The following DNM1 variants were observed in gnomAD, a reference collection of about 807,000 sequenced individuals.
The protein encoded by DNM1 is dynamin 1, also known as dynamin-1.
DNM1 carries 29 observed loss-of-function variants against 104.6 expected under a neutral mutation model. The ratio of observed to expected loss-of-function variants is 0.28; its 90% CI spans 0.21 to 0.38. DNM1 has a LOEUF of 0.38. DNM1 is among the 10% of genes least tolerant of loss of function. The pLI, the probability that DNM1 is intolerant of heterozygous loss-of-function variation, is 1.00. For synonymous variants in DNM1, 445 were observed against 475.8 expected, an observed-to-expected ratio of 0.94 and a Z score of 0.84; for missense variants, 640 against 1,189.4, an observed-to-expected ratio of 0.54 and a Z score of 6.79.
At position 128,247,003 on chromosome 9, in the gene DNM1, C is replaced by T. The variant is rs1836870779; in HGVS notation, c.1782-372C>T. On this transcript the variant is annotated intron_variant, in intron 16 of 21. Coordinates refer to ENST00000372923, the MANE Select transcript of DNM1 (RefSeq NM_004408.4). This position sits in a 1 kb window ranked among gnomAD's most constrained non-coding sequence, Gnocchi z 5.1. ...TGACTCTAGTGGGCCCTCTGCTACT[C>T]GGAGATGAGAGTTCAGTCCAGCGGC... is the stretch of plus-strand genomic sequence containing the variant. The T allele has an allele frequency of 4.5e-6, 1 of 224,218 alleles. No individual in the cohort carries two copies. The highest frequency in any genetic ancestry group is 9.0e-6 in the Non-Finnish European group (1 of 111,108). The allele number at this position is 224,218 out of a possible 1,614,324, so 13.9% of individuals were successfully genotyped here.
At chr9:128,235,697 C>T (rs1460833063) in intron 11 of DNM1, among the ~76,000 whole-genome samples, 2 of 152,070 alleles carry the variant, frequency 1.3e-5, no homozygotes, top group African/African-American at 4.8e-5. Context: ...AAATGCTGGG[C>T]CATAGGCTGG....
intron 13 of DNM1, 41 bp from the exon 14 acceptor site, chr9:128,239,943 TC>T (rs1836261471): frequency 6.2e-7 from 1 of 1,613,400 alleles, no homozygotes; most frequent in Non-Finnish European, 8.5e-7. Flanking sequence ...CTCTCCTCTC[TC>T]CCCGATGCCT....
rs1169118442 is a variant in DNM1, at chr9:128,238,623, A to C, written c.1423-822A>C. Among the ~76,000 whole-genome samples the C allele has an allele frequency of 2.0e-5, 3 of 148,704 alleles. No homozygotes were observed. The East Asian group carries it at 5.9e-4, about 29-fold the overall frequency. ...GCATTTCTTCTATGAATTATTCATCATGTTCTTGACTATTTTGATTTGTGA... is the reference window on the plus strand; with the variant it reads ...GCATTTCTTCTATGAATTATTCATCCTGTTCTTGACTATTTTGATTTGTGA... On this transcript the variant is annotated intron_variant, in intron 11 of 21. Transcript: ENST00000372923.
chr9:128,253,014 G>C lies in DNM1; in HGVS notation c.2535-1640G>C. 2 of 1,332,316 alleles carry C rather than the reference G, an allele frequency of 1.5e-6. No homozygotes were observed. The highest frequency in any genetic ancestry group is 2.1e-6 in the Non-Finnish European group (2 of 930,408). The allele number at this position is 1,332,316 out of a possible 1,614,324, so 82.5% of individuals were successfully genotyped here. ...CCTCACAGCATGTGTGTGCACGCCC[G>C]GGCGTGTGCGTGTGTGTGTCCCCCA... On this transcript the variant is annotated intron_variant, in intron 21 of 21. Coordinates refer to ENST00000372923, the MANE Select transcript of DNM1 (RefSeq NM_004408.4). The surrounding 1 kb of genome is among the most constrained non-coding windows in gnomAD (Gnocchi z 5.9).
In DNM1 at chr9:128,254,061, C is replaced by A; in HGVS notation, c.2535-593C>A. On this transcript the variant is annotated intron_variant, in intron 21 of 21. Coordinates refer to ENST00000372923, the MANE Select transcript of DNM1 (RefSeq NM_004408.4). This position sits in a 1 kb window ranked among gnomAD's most constrained non-coding sequence, Gnocchi z 6.1. Reference sequence around the variant, plus strand: ...TGCAGCCCCCCGACCAGCTGAGGCTCCCCTCTTAGACTTATAAGTCTATGG... The same window carrying A: ...TGCAGCCCCCCGACCAGCTGAGGCTACCCTCTTAGACTTATAAGTCTATGG... 1.6e-6 allele frequency: 2 copies of A among 1,237,244 alleles called. No individual in the cohort carries two copies. The highest frequency in any genetic ancestry group is 2.0e-6 in the Non-Finnish European group (2 of 991,830). The allele number at this position is 1,237,244 out of a possible 1,614,324, so 76.6% of individuals were successfully genotyped here.
chr9:128,205,242 T>C (rs553570626), intron 1 of DNM1, among the ~76,000 whole-genome samples: 1 of 152,286 alleles, frequency 6.6e-6, no homozygotes, highest in African/African-American at 2.4e-5. Context: ...AGAAACCATA[T>C]TCCTACCTCT....
intron 14 of DNM1, among the ~76,000 whole-genome samples, chr9:128,241,953 A>T (rs1359453122): frequency 6.6e-6 from 1 of 152,160 alleles, no homozygotes; most frequent in Non-Finnish European, 1.5e-5. Flanking sequence ...ACTTTTAGTG[A>T]CAGGGAGCTC....
chr9:128,247,871 C>G lies in DNM1; in HGVS notation c.1894-53C>G. On this transcript the variant is annotated intron_variant, in intron 17 of 21. Transcript: ENST00000372923. The surrounding 1 kb of genome is among the most constrained non-coding windows in gnomAD (Gnocchi z 5.1). ...CTTTTCCTCTCTGTGTTTCCTTCGG[C>G]TGTGCTCCCTGGTGGTGGCGGCGGT... is the stretch of plus-strand genomic sequence containing the variant. 6.2e-7 allele frequency: 1 copy of G among 1,606,904 alleles called. No homozygotes were observed. The highest frequency in any genetic ancestry group is 1.3e-5 in the African/African-American group (1 of 74,824).
Position 128,254,792 on chromosome 9 carries a change from CCCAGCCCCAAAG to C in DNM1, c.*87_*98del. 1 of 1,237,322 alleles carries C rather than the reference CCCAGCCCCAAAG, an allele frequency of 8.1e-7. No homozygotes were observed. The highest frequency in any genetic ancestry group is 1.2e-6 in the Non-Finnish European group (1 of 858,742). 76.6% of individuals were successfully genotyped at this position (1,237,322 alleles called of 1,614,324 possible). On this transcript the variant is annotated 3_prime_UTR_variant, in exon 22 of 22. Coordinates refer to ENST00000372923, the MANE Select transcript of DNM1 (RefSeq NM_004408.4). This position sits in a 1 kb window ranked among gnomAD's most constrained non-coding sequence, Gnocchi z 6.1. ...TGTTCTGTGACTTGACAGTGGCTCCCCCAGCCCCAAAGCCAGCCCCCTTCATCTGTGACTTAA... is the reference window on the plus strand; with the variant it reads ...TGTTCTGTGACTTGACAGTGGCTCCCCCAGCCCCCTTCATCTGTGACTTAA...
intron 19 of DNM1, 54 bp from the exon 20 acceptor site, chr9:128,250,061 C>A (rs1194457053): frequency 4.3e-6 from 7 of 1,612,912 alleles, no homozygotes; most frequent in Non-Finnish European, 5.9e-6. Flanking sequence ...GTGGGGCGGC[C>A]AGGGCGGCAC....
chr9:128,245,179 T>A lies in DNM1; in HGVS notation c.1672-1215T>A. 1 of 164,550 alleles carries A rather than the reference T, an allele frequency of 6.1e-6. No individual in the cohort carries two copies. Among genetic ancestry groups the A allele is most frequent in the Non-Finnish European group, 1.3e-5 (1 of 74,532 alleles). The allele number at this position is 164,550 out of a possible 1,614,324, so 10.2% of individuals were successfully genotyped here. A position where few individuals can be genotyped will look rare whatever the true frequency, so the allele number is the denominator to read the frequency against. ...CCTGGCCGTGTGTGCAACTTCCTCC[T>A]CTCCTCCCCCAGCCGCCCTCTGGGG... On this transcript the variant is annotated intron_variant, in intron 15 of 21. Coordinates refer to ENST00000372923, the MANE Select transcript of DNM1 (RefSeq NM_004408.4). This position sits in a 1 kb window ranked among gnomAD's most constrained non-coding sequence, Gnocchi z 5.2.
chr9:128,222,100 C>G lies in DNM1; in HGVS notation c.850-97C>G, dbSNP rs993356731. The G allele has an allele frequency of 6.1e-6, 9 of 1,469,466 alleles. No homozygotes were observed. The highest frequency in any genetic ancestry group is 8.3e-6 in the Non-Finnish European group (9 of 1,089,124). 91.0% of individuals were successfully genotyped at this position (1,469,466 alleles called of 1,614,324 possible). ...AGTGGCAGGGCTGCCCTCCATAGCT[C>G]TCCACCTCACCACGTTCACACAGTC... is the stretch of plus-strand genomic sequence containing the variant. On this transcript the variant is annotated intron_variant, in intron 6 of 21. Coordinates refer to ENST00000372923, the MANE Select transcript of DNM1 (RefSeq NM_004408.4). The surrounding 1 kb of genome is among the most constrained non-coding windows in gnomAD (Gnocchi z 7.8).
chr9:128,220,386 A>G lies in DNM1; in HGVS notation c.849+45A>G, dbSNP rs375448606. 1.9e-6 allele frequency: 3 copies of G among 1,603,168 alleles called. No individual in the cohort carries two copies. The highest frequency in any genetic ancestry group is 2.6e-6 in the Non-Finnish European group (3 of 1,176,270). On this transcript the variant is annotated intron_variant, in intron 6 of 21. Transcript: ENST00000372923. The surrounding 1 kb of genome is among the most constrained non-coding windows in gnomAD (Gnocchi z 5.2). ...TGGGGCCTGGGGAAACAAGCATGAA[A>G]ACAGGATAAATTAAGTGTGTTCTGA...
intron 1 of DNM1, among the ~76,000 whole-genome samples, chr9:128,205,655 C>A (rs1302297850): frequency 6.6e-6 from 1 of 152,222 alleles, no homozygotes; most frequent in African/African-American, 2.4e-5. Context: ...GCTGCCCTGC[C>A]TTCCTGAGAA....
At chr9:128,213,186 A>G (rs1036764670) in intron 1 of DNM1, among the ~76,000 whole-genome samples, 1 of 152,082 alleles carries the variant, frequency 6.6e-6, no homozygotes, top group African/African-American at 2.4e-5. Context: ...GGTTCAAGCG[A>G]TTCTCCTGCC....
At chr9:128,229,600 CAAAAAAAAAAA>C (rs56072236) in intron 10 of DNM1, among the ~76,000 whole-genome samples, 1 of 66,698 alleles carries the variant, frequency 1.5e-5, no homozygotes. Flanking sequence ...AAAACCTTAT[CAAAAAAAAAAA>C]AAAAAAAAAA....
At chr9:128,204,382 T>C (rs1287817232) in intron 1 of DNM1, 1 of 152,104 alleles carries the variant, frequency 6.6e-6, no homozygotes, top group African/African-American at 2.4e-5. Flanking sequence ...AGGAATCGTG[T>C]TGGAGGGAGA....
At chr9:128,206,344 C>T (rs1172442522) in intron 1 of DNM1, among the ~76,000 whole-genome samples, 1 of 152,194 alleles carries the variant, frequency 6.6e-6, no homozygotes, top group Non-Finnish European at 1.5e-5. Context: ...TGGGTCTATA[C>T]TATTTCTTCA....
chr9:128,217,111 T>A (rs1249252656), intron 1 of DNM1, among the ~76,000 whole-genome samples: 1 of 152,180 alleles, frequency 6.6e-6, no homozygotes, highest in Non-Finnish European at 1.5e-5. Context: ...CGAGCAGATG[T>A]CTAAGCTATA....
Sources: allele counts gnomAD v4.1 joint callset (sites outside exome capture counted in the v4.1 genomes callset), GRCh38; gene constraint gnomAD v4.1.1; non-coding constraint Gnocchi (gnomAD v3.1); transcripts MANE v1.5; gene names NCBI Gene and HGNC (gene_info 2026-07-23, HGNC 2026-07-21).